SEMA4D: variants seen among roughly 807,000 people sequenced by gnomAD.
The protein encoded by SEMA4D is semaphorin-4D.
In SEMA4D, 22 loss-of-function variants were observed where a neutral mutation model predicts 74.8. The observed-to-expected ratio is 0.29, with a 90% CI of 0.21 to 0.42. SEMA4D has a LOEUF of 0.42. Ranked by LOEUF, SEMA4D falls within the 10% of genes least tolerant of loss-of-function variation. The probability of loss-of-function intolerance (pLI) is 1.00; values close to 1 mark genes in which losing one functional copy is unlikely to be tolerated. For missense variants in SEMA4D, 937 were observed against 1,118.4 expected (o/e 0.84, Z 2.31); for synonymous variants, 445 against 463.7 (o/e 0.96, Z 0.52).
At chr9:89,491,008 T>C (rs1825582048) in intron 1 of SEMA4D, among the ~76,000 whole-genome samples, 2 of 152,228 alleles carry the variant, frequency 1.3e-5, no homozygotes, top group African/African-American at 4.8e-5. Flanking sequence ...GTCTATATCC[T>C]GATTATGGTG....
intron 2 of SEMA4D, among the ~76,000 whole-genome samples, chr9:89,410,392 ACAC>A (rs1196609211): frequency 2.6e-5 from 4 of 152,334 alleles, no homozygotes; most frequent in African/African-American, 9.6e-5. Flanking sequence ...ACCCTGTCAC[ACAC>A]CACCAGAGCT....
intron 2 of SEMA4D, among the ~76,000 whole-genome samples, chr9:89,420,514 C>G (rs1047347626): frequency 8.5e-5 from 13 of 152,326 alleles, no homozygotes; most frequent in Middle Eastern, 6.8e-3. Context: ...CCCTCTAGTG[C>G]AGGAGAGTGT....
At chr9:89,479,871 G>A (rs1261437871) in intron 1 of SEMA4D, 3 of 152,560 alleles carry the variant, frequency 2.0e-5, no homozygotes, top group Admixed American at 6.5e-5. Context: ...CAGTGTGGAA[G>A]GGGACCCGAG....
intron 1 of SEMA4D, among the ~76,000 whole-genome samples, chr9:89,496,569 C>T (rs1187836612): frequency 6.6e-6 from 1 of 152,182 alleles, no homozygotes; most frequent in African/African-American, 2.4e-5. Context: ...ATCTTCCCAC[C>T]CCAGCCTCCC....
intron 2 of SEMA4D, among the ~76,000 whole-genome samples, chr9:89,410,809 C>G (rs1564674505): frequency 6.6e-6 from 1 of 152,194 alleles, no homozygotes; most frequent in Non-Finnish European, 1.5e-5. Context: ...CAGAAAGAAA[C>G]AGGCCACAAA....
At chr9:89,407,149 C>T (rs755239865) in intron 2 of SEMA4D, among the ~76,000 whole-genome samples, 78 of 152,346 alleles carry the variant, frequency 5.1e-4, no homozygotes, top group Non-Finnish European at 4.4e-4. Flanking sequence ...CCCTCGCTAA[C>T]AAAATTCCGA....
At position 89,379,352 on chromosome 9, in the gene SEMA4D, C is replaced by T; in HGVS notation, c.1941G>A (p.Lys647=). ...QVVAKHVLEV[K]VVPKPVVAPT... ...GGGCCACTACGGGCTTTGGAACCAC[C>T]TTCACTTCCAGGACGTGCTTGGCGA... The change falls in exon 16 of 16, where the codon AAG becomes AAA. Residue 647 remains lysine, a synonymous_variant. Coordinates refer to ENST00000422704, the MANE Select transcript of SEMA4D (RefSeq NM_001371194.2). The T allele has an allele frequency of 6.2e-7, 1 of 1,614,186 alleles. No homozygotes were observed. Among genetic ancestry groups the T allele is most frequent in the Non-Finnish European group, 8.5e-7 (1 of 1,180,032 alleles).
At chr9:89,468,002 G>A (rs1486121096) in intron 1 of SEMA4D, among the ~76,000 whole-genome samples, 1 of 145,184 alleles carries the variant, frequency 6.9e-6, no homozygotes, top group African/African-American at 2.5e-5. Flanking sequence ...CAACCCTGCA[G>A]CAGAAAGAGA....
At chr9:89,423,854 C>T (rs1847533461) in intron 2 of SEMA4D, among the ~76,000 whole-genome samples, 2 of 148,182 alleles carry the variant, frequency 1.3e-5, no homozygotes, top group Non-Finnish European at 3.0e-5. Context: ...AGCACCTCCA[C>T]TCCCTCAGCA....
chr9:89,424,546 C>T (rs1847704369), intron 2 of SEMA4D, among the ~76,000 whole-genome samples: 1 of 152,096 alleles, frequency 6.6e-6, no homozygotes, highest in South Asian at 2.1e-4. Context: ...CCTTCGAGCT[C>T]TTTTTTTTCA....
At position 89,379,004 on chromosome 9, in the gene SEMA4D, C is replaced by T; in HGVS notation, c.2289G>A (p.Gln763=). The stretch of plus-strand genomic sequence containing the variant: ...GTAGGGCCGAGCGGAATTTCAAGCA[C>T]TGTCTGGGCAGGTATCCCTTATAGC... The part of the protein sequence containing the change: ...YNCYKGYLPR[Q]CLKFRSALLI... Residue 763 remains glutamine (Q), a synonymous_variant, in exon 16 of 16, where the codon CAG becomes CAA. Coordinates refer to ENST00000422704, the MANE Select transcript of SEMA4D (RefSeq NM_001371194.2). 1.9e-6 allele frequency: 3 copies of T among 1,612,870 alleles called. No individual in the cohort carries two copies. The highest frequency in any genetic ancestry group is 2.5e-6 in the Non-Finnish European group (3 of 1,179,334).
chr9:89,428,595 C>T (rs80299572), intron 2 of SEMA4D, among the ~76,000 whole-genome samples: 1 of 16,334 alleles, frequency 6.1e-5, no homozygotes, highest in East Asian at 4.8e-4. Flanking sequence ...CTCAAGGTCA[C>T]GGAGCCTGCT....
At chr9:89,491,941 G>A (rs540506865) in intron 1 of SEMA4D, among the ~76,000 whole-genome samples, 10 of 151,692 alleles carry the variant, frequency 6.6e-5, no homozygotes, top group South Asian at 4.2e-4. Context: ...CCAAAGGGGC[G>A]GCCCCAGCCA....
At chr9:89,433,020 T>C (rs915359754) in intron 2 of SEMA4D, among the ~76,000 whole-genome samples, 1 of 152,218 alleles carries the variant, frequency 6.6e-6, no homozygotes, top group Non-Finnish European at 1.5e-5. Flanking sequence ...TCTGTTACCA[T>C]AGTGAGAACA....
downstream of SEMA4D, among the ~76,000 whole-genome samples, chr9:89,374,360 T>C (rs1021714825): frequency 6.6e-6 from 1 of 152,214 alleles, no homozygotes; most frequent in Non-Finnish European, 1.5e-5. Context: ...ATGGGAGTCA[T>C]TGACAGGAGA....
At chr9:89,402,638 C>G (rs1842456040) in intron 4 of SEMA4D, among the ~76,000 whole-genome samples, 1 of 151,328 alleles carries the variant, frequency 6.6e-6, no homozygotes, top group African/African-American at 2.4e-5. Flanking sequence ...GCATAGCTGT[C>G]TCTGCTCATA....
chr9:89,363,803 C>T, exon 17 of SEMA4D: 2 of 1,614,034 alleles, frequency 1.2e-6, no homozygotes, highest in Non-Finnish European at 1.7e-6. Context: ...GAGGACAGAG[C>T]AGCGATACTC....
At chr9:89,435,940 C>T (rs1179740727) in intron 2 of SEMA4D, among the ~76,000 whole-genome samples, 1 of 152,266 alleles carries the variant, frequency 6.6e-6, no homozygotes, top group African/African-American at 2.4e-5. Context: ...GAATTGGCTG[C>T]CCAGTAAGAG....
intron 1 of SEMA4D, among the ~76,000 whole-genome samples, chr9:89,456,935 T>G (rs1035648732): frequency 6.6e-6 from 1 of 152,168 alleles, no homozygotes. Context: ...GGCTTACTAA[T>G]GCCCCTGCAT....
Sources: gnomAD v4.1 joint callset for allele counts (sites outside exome capture counted in the v4.1 genomes callset) on GRCh38, gnomAD v4.1.1 for gene constraint, MANE v1.5 for transcripts, NCBI Gene and HGNC (gene_info 2026-07-23, HGNC 2026-07-21) for gene names.